Variants in MICAL3 observed in about 807,000 individuals in gnomAD.
The protein encoded by MICAL3 is [F-actin]-monooxygenase MICAL3.
Under a neutral mutation model 207.4 loss-of-function variants are expected in MICAL3, and 62 were observed. The observed-to-expected ratio is 0.30, with a 90% CI of 0.24 to 0.37. The LOEUF (loss-of-function observed/expected upper bound fraction) is 0.37. Ranked by LOEUF, MICAL3 falls within the 10% of genes least tolerant of loss-of-function variation. The pLI is 1.00. For synonymous variants in MICAL3, 1,077 were observed against 1,069.3 expected, an observed-to-expected ratio of 1.01 and a Z score of -0.14; for missense variants, 2,368 against 2,635.6, an observed-to-expected ratio of 0.90 and a Z score of 2.22.
At chr22:17,889,744 T>C (rs903812015) in intron 12 of MICAL3, among the ~76,000 whole-genome samples, 4 of 152,190 alleles carry the variant, frequency 2.6e-5, no homozygotes, top group African/African-American at 9.7e-5. Context: ...AAGTTCAAGG[T>C]TGCAATGAGC....
rs1278243661 is a variant in MICAL3 at position 17,976,533 on chromosome 22, A to ATGTGTGTGTGTGTGTG, written c.-75+47747_-75+47748insCACACACACACACACA. 1.0e-4 allele frequency among the ~76,000 whole-genome samples: 12 copies of ATGTGTGTGTGTGTGTG among 115,530 alleles called. 1 individual carries two copies. Among genetic ancestry groups the ATGTGTGTGTGTGTGTG allele is most frequent in the African/African-American group, 4.2e-4 (12 of 28,566 alleles). 75.8% of individuals were successfully genotyped at this position (115,530 alleles called of 152,430 possible). ...AATATACATGTATATATGTGTATATATATGTGTGTGTGTGTGTGTGTGTGT... is the reference window on the plus strand; with the variant it reads ...AATATACATGTATATATGTGTATATATGTGTGTGTGTGTGTGTATGTGTGTGTGTGTGTGTGTGTGT... On this transcript the variant is annotated intron_variant, in intron 1 of 31. Transcript: ENST00000441493.
intron 19 of MICAL3, among the ~76,000 whole-genome samples, chr22:17,844,142 G>A (rs547594083): frequency 4.6e-5 from 7 of 152,198 alleles, no homozygotes; most frequent in Non-Finnish European, 7.4e-5. Flanking sequence ...CACCATGCCC[G>A]GCTGTGTTAC....
chr22:17,889,188 G>A lies in MICAL3; in HGVS notation c.1737C>T (p.Asn579=), dbSNP rs769625000. 3.7e-6 allele frequency: 6 copies of A among 1,613,318 alleles called. No individual in the cohort carries two copies. The South Asian group carries it at 6.6e-5, about 18-fold the overall frequency. The part of the protein sequence containing the change: ...SLDEQNVEKN[N]QLAFDIAEKE... ...TCTCAGCAATGTCAAAGGCCAGTTG[G>A]TTATTCTTCTCCACATTTTGCTCAT... The change falls in exon 13 of 32, where the codon AAC becomes AAT. Residue 579 remains asparagine (N), a synonymous_variant. Coordinates refer to ENST00000441493, the MANE Select transcript of MICAL3 (RefSeq NM_015241.3).
chr22:17,846,825 G>A lies in MICAL3; in HGVS notation c.2606-4808C>T, dbSNP rs182143420. The stretch of plus-strand genomic sequence containing the variant: ...CAGGGCAGGCAGCTCTCAGGTCACA[G>A]GGAGGCCAATTACAGCCCCACACAT... On this transcript the variant is annotated intron_variant, in intron 19 of 31. Coordinates refer to ENST00000441493, the MANE Select transcript of MICAL3 (RefSeq NM_015241.3). Among the ~76,000 whole-genome samples the A allele has an allele frequency of 5.6e-3, 851 of 152,294 alleles. 7 individuals are homozygous for A. The highest frequency in any genetic ancestry group is 0.018 in the African/African-American group (751 of 41,548).
At chr22:17,983,704 C>A (rs1242646493) in intron 1 of MICAL3, 1 of 152,742 alleles carries the variant, frequency 6.5e-6, no homozygotes, top group South Asian at 2.1e-4. Context: ...AGTACCCTGT[C>A]CTCACCACCC....
At chr22:17,980,850 T>C in intron 1 of MICAL3, 1 of 520,552 alleles carries the variant, frequency 1.9e-6, no homozygotes, top group Non-Finnish European at 4.0e-6. Context: ...CCCGTCACCC[T>C]CAGTTCCTGC....
intron 19 of MICAL3, among the ~76,000 whole-genome samples, chr22:17,854,923 A>C (rs1925738167): frequency 6.6e-6 from 1 of 152,204 alleles, no homozygotes; most frequent in African/African-American, 2.4e-5. Context: ...CCCAGGAAGA[A>C]AACTGACGGG....
intron 1 of MICAL3, chr22:17,983,608 T>C (rs1237312007): frequency 1.3e-5 from 2 of 152,412 alleles, no homozygotes; most frequent in East Asian, 3.9e-4. Context: ...CTCCTCAGAG[T>C]CTCCACATGG....
At chr22:17,987,926 G>A (rs1325024345) in intron 1 of MICAL3, among the ~76,000 whole-genome samples, 1 of 152,172 alleles carries the variant, frequency 6.6e-6, no homozygotes, top group Non-Finnish European at 1.5e-5. Flanking sequence ...CTGTAAACAG[G>A]AAATTATATC....
intron 13 of MICAL3, among the ~76,000 whole-genome samples, chr22:17,888,646 G>GC (rs1217064518): frequency 1.3e-5 from 2 of 152,180 alleles, no homozygotes; most frequent in African/African-American, 2.4e-5. Context: ...CTGCAGTAGC[G>GC]CGGTATGAAG....
Position 17,790,672 on chromosome 22 carries a change from T to C in MICAL3, c.*60A>G. The C allele has an allele frequency of 4.0e-6, 6 of 1,486,800 alleles. No individual in the cohort carries two copies. The highest frequency in any genetic ancestry group is 5.5e-6 in the Non-Finnish European group (6 of 1,100,294). The allele number at this position is 1,486,800 out of a possible 1,614,324, so 92.1% of individuals were successfully genotyped here. ...CTCCTCAGATCGCGGCTCCGGGTGGTTTGGATGCCACTGCCTGGCCAGGCG... is the reference window on the plus strand; with the variant it reads ...CTCCTCAGATCGCGGCTCCGGGTGGCTTGGATGCCACTGCCTGGCCAGGCG... On this transcript the variant is annotated 3_prime_UTR_variant, in exon 32 of 32. Transcript: ENST00000441493.
At chr22:17,860,620 G>C in intron 19 of MICAL3, 1 of 985,516 alleles carries the variant, frequency 1.0e-6, no homozygotes, top group Middle Eastern at 5.2e-4. Flanking sequence ...AAAGATAGGA[G>C]TGGGCTCAAA....
At chr22:17,822,804 T>G in intron 23 of MICAL3, 143 bp downstream of exon 23, 1 of 580,638 alleles carries the variant, frequency 1.7e-6, no homozygotes, top group Non-Finnish European at 3.1e-6. Context: ...TTGGGTGGAA[T>G]GAGATGCATT....
At chr22:17,873,915 T>C (rs1300314103) in intron 16 of MICAL3, among the ~76,000 whole-genome samples, 1 of 152,190 alleles carries the variant, frequency 6.6e-6, no homozygotes, top group Non-Finnish European at 1.5e-5. Context: ...GTAAGGGGGC[T>C]CCCTGCCCCC....
intron 1 of MICAL3, among the ~76,000 whole-genome samples, chr22:17,954,499 A>C (rs1358876773): frequency 6.6e-6 from 1 of 152,188 alleles, no homozygotes; most frequent in Non-Finnish European, 1.5e-5. Flanking sequence ...TGGATCAGAT[A>C]TAGAAAATGA....
chr22:17,906,231 G>A (rs1001460538), intron 2 of MICAL3, among the ~76,000 whole-genome samples: 3 of 152,220 alleles, frequency 2.0e-5, no homozygotes, highest in African/African-American at 7.2e-5. Flanking sequence ...CATGAAACAT[G>A]CTTAAAACAG....
chr22:17,890,941 T>C (rs1408598765), intron 12 of MICAL3, among the ~76,000 whole-genome samples: 1 of 152,186 alleles, frequency 6.6e-6, no homozygotes, highest in Non-Finnish European at 1.5e-5. Context: ...GATAGGTGGG[T>C]AGGACAACAG....
chr22:17,897,867 C>A (rs911968832), intron 7 of MICAL3, among the ~76,000 whole-genome samples: 2 of 152,180 alleles, frequency 1.3e-5, no homozygotes, highest in Admixed American at 6.5e-5. Flanking sequence ...GAACAAAGGA[C>A]TGAAAAACTC....
In MICAL3 at chr22:18,000,636, G is replaced by A. The variant is rs549832112; in HGVS notation, c.-75+23645C>T. Among the ~76,000 whole-genome samples the A allele has an allele frequency of 9.2e-5, 14 of 152,292 alleles. No individual in the cohort carries two copies. In the East Asian group the frequency reaches 2.1e-3, roughly 23 times the overall value. On this transcript the variant is annotated intron_variant, in intron 1 of 31. Transcript: ENST00000441493. ...GGCTCCTCAAGATGGTTTCTTAGCT[G>A]GGAATTTCCCATGTGCCCCGGAGAC...
Sources: gnomAD v4.1 joint callset for allele counts (sites outside exome capture counted in the v4.1 genomes callset) on GRCh38, gnomAD v4.1.1 for gene constraint, MANE v1.5 for transcripts, NCBI Gene and HGNC (gene_info 2026-07-23, HGNC 2026-07-21) for gene names.